The following DSC3 variants were observed in gnomAD, a reference collection of about 807,000 sequenced individuals.
The protein encoded by DSC3 is desmocollin-3.
Under a neutral mutation model 89.5 loss-of-function variants are expected in DSC3, and 97 were observed. The ratio of observed to expected loss-of-function variants is 1.08; its 90% CI spans 0.92 to 1.28. The LOEUF is 1.28. DSC3 is among the 50% of genes most tolerant of loss of function. The pLI, the probability that DSC3 is intolerant of heterozygous loss-of-function variation, is 0.00. For synonymous variants in DSC3, 436 were observed against 384.1 expected, an observed-to-expected ratio of 1.14 and a Z score of -1.58; for missense variants, 1,199 against 1,085.3, an observed-to-expected ratio of 1.10 and a Z score of -1.47.
intron 1 of DSC3, among the ~76,000 whole-genome samples, chr18:31,042,093 G>A (rs1377406138): frequency 6.6e-6 from 1 of 151,980 alleles, no homozygotes. Context: ...CCCCACCAAG[G>A]GACCCAGGGA....
intron 14 of DSC3, among the ~76,000 whole-genome samples, chr18:31,000,766 T>C (rs1309113456): frequency 6.6e-6 from 1 of 152,112 alleles, no homozygotes; most frequent in Non-Finnish European, 1.5e-5. Flanking sequence ...AGTTACCAAG[T>C]AAGCTGTACC....
At chr18:31,030,253 T>A (rs958977443) in intron 3 of DSC3, among the ~76,000 whole-genome samples, 6 of 152,180 alleles carry the variant, frequency 3.9e-5, no homozygotes, top group Non-Finnish European at 8.8e-5. Flanking sequence ...GGGAAAAAGT[T>A]CTATTAGACT....
rs1014151714 is a variant in DSC3 at position 31,031,394 on chromosome 18, G to A, written c.155-222C>T. ...TGAGTGTATATTTCTATTAAATAAG[G>A]TGTTTTAAACCTTTATATGCTTCTA... On this transcript the variant is annotated intron_variant, in intron 2 of 15. Transcript: ENST00000360428. 4.6e-5 allele frequency among the ~76,000 whole-genome samples: 7 copies of A among 152,084 alleles called. No individual in the cohort carries two copies. In the South Asian group the frequency reaches 1.5e-3, roughly 32 times the overall value.
At position 31,018,099 on chromosome 18, in the gene DSC3, GTTTC is replaced by G; in HGVS notation, c.1231_1234del (p.Glu411LeufsTer9). 1.2e-5 allele frequency: 20 copies of G among 1,612,316 alleles called. No homozygotes were observed. The highest frequency in any genetic ancestry group is 1.7e-5 in the Non-Finnish European group (20 of 1,179,150). ...TACAACAGAAAGAACACCTTCATTA[GTTTC>G]TTTGTCTGTGCTGATTTTGAAATGT... On this transcript the variant is annotated frameshift_variant, in exon 9 of 16. Transcript: ENST00000360428. LOFTEE classifies it high-confidence loss of function.
At chr18:31,032,142 G>T in intron 2 of DSC3, 50 bp downstream of exon 2, 2 of 1,305,536 alleles carry the variant, frequency 1.5e-6, no homozygotes, top group Non-Finnish European at 2.2e-6. Flanking sequence ...GCTCTTTCCA[G>T]CCTATGTAAA....
In DSC3 at chr18:30,991,370, C is replaced by T. The variant is rs1204710570; in HGVS notation, c.*2805G>A. The T allele has an allele frequency of 6.6e-6, 1 of 152,534 alleles. No homozygotes were observed. Among genetic ancestry groups the T allele is most frequent in the African/African-American group, 2.4e-5 (1 of 41,424 alleles). The allele number at this position is 152,534 out of a possible 1,614,324, so 9.4% of individuals were successfully genotyped here. A position where few individuals can be genotyped will look rare whatever the true frequency, so the allele number is the denominator to read the frequency against. ...CACACTCAAATACCATAAATTTCAC[C>T]TTACACATATAAGGAAATAATAATA... On this transcript the variant is annotated 3_prime_UTR_variant, in exon 16 of 16. Coordinates refer to ENST00000360428, the MANE Select transcript of DSC3 (RefSeq NM_001941.5).
intron 7 of DSC3, among the ~76,000 whole-genome samples, chr18:31,021,531 TTATAA>T (rs1474995790): frequency 6.6e-6 from 1 of 152,214 alleles, no homozygotes; most frequent in African/African-American, 2.4e-5. Context: ...GATTTCTTCC[TTATAA>T]TATATTTTCT....
At position 30,994,078 on chromosome 18, in the gene DSC3, A is replaced by G; in HGVS notation, c.*97T>C. ...TAGCATAATTCAAAATTGAGAAAAA[A>G]ATCATCATATACATACATGTTGAAA... On this transcript the variant is annotated 3_prime_UTR_variant, in exon 16 of 16. Transcript: ENST00000360428. 1 of 1,196,822 alleles carries G rather than the reference A, an allele frequency of 8.4e-7. No individual in the cohort carries two copies. The highest frequency in any genetic ancestry group is 1.2e-6 in the Non-Finnish European group (1 of 822,458). 74.1% of individuals were successfully genotyped at this position (1,196,822 alleles called of 1,614,324 possible).
chr18:31,029,620 C>T lies in DSC3; in HGVS notation c.363G>A (p.Lys121=). ...GAACAGTTTCTCTAGTGTGTCTTGTCTTCGATACCTGAATTTAGAGAAAAA... is the reference window on the plus strand; with the variant it reads ...GAACAGTTTCTCTAGTGTGTCTTGTTTTCGATACCTGAATTTAGAGAAAAA... ...VLLEHQKKVS[K]TRHTRETVLR... Residue 121 remains lysine (K), a synonymous_variant, in exon 4 of 16, where the codon AAG becomes AAA. Transcript: ENST00000360428. The T allele has an allele frequency of 1.2e-6, 2 of 1,613,724 alleles. No homozygotes were observed. Among genetic ancestry groups the T allele is most frequent in the East Asian group, 2.2e-5 (1 of 44,864 alleles).
chr18:30,994,248 T>G lies in DSC3; in HGVS notation c.2618A>C (p.Glu873Ala), dbSNP rs1984376430. The G allele has an allele frequency of 6.2e-7, 1 of 1,613,996 alleles. No individual in the cohort carries two copies. The highest frequency in any genetic ancestry group is 8.5e-7 in the Non-Finnish European group (1 of 1,180,018). ...ATTATTTAAAAAGTCAAGGCCATCTTCTTCCTGCTTTTCACTGCAGCAGCC... is the reference window on the plus strand; with the variant it reads ...ATTATTTAAAAAGTCAAGGCCATCTGCTTCCTGCTTTTCACTGCAGCAGCC... ...SVGCCSEKQE[E>A]DGLDFLNNLE... The change falls in exon 16 of 16, where the codon GAA becomes GCA. Residue 873 changes from glutamate to alanine, a missense_variant. Coordinates refer to ENST00000360428, the MANE Select transcript of DSC3 (RefSeq NM_001941.5).
intron 9 of DSC3, among the ~76,000 whole-genome samples, chr18:31,009,153 C>T (rs1023450786): frequency 5.3e-5 from 8 of 152,100 alleles, no homozygotes; most frequent in African/African-American, 1.4e-4. Flanking sequence ...TTGGTTCAAG[C>T]GATTCTCCTG....
chr18:31,013,878 G>A (rs1985150531), intron 9 of DSC3, among the ~76,000 whole-genome samples: 1 of 152,050 alleles, frequency 6.6e-6, no homozygotes. Flanking sequence ...CCTTGACTAA[G>A]CAATTCCATT....
Position 31,023,093 on chromosome 18 carries a change from G to A in DSC3, c.776-591C>T, listed in dbSNP as rs376676414. Among the ~76,000 whole-genome samples the A allele has an allele frequency of 5.8e-4, 88 of 152,070 alleles. 1 individual carries two copies. In the South Asian group the frequency reaches 0.013, roughly 22 times the overall value. On this transcript the variant is annotated intron_variant, in intron 6 of 15. Coordinates refer to ENST00000360428, the MANE Select transcript of DSC3 (RefSeq NM_001941.5). ...AGTACCTTGGGTTAAGCTGGGCATC[G>A]AAGTGTTTGTCCTTTTTTTTTCTCT...
Position 30,991,483 on chromosome 18 carries a change from C to T in DSC3, c.*2692G>A, listed in dbSNP as rs565808328. The T allele has an allele frequency of 9.2e-5, 14 of 152,068 alleles. No homozygotes were observed. The highest frequency in any genetic ancestry group is 3.3e-4 in the Admixed American group (5 of 15,264). The allele number at this position is 152,068 out of a possible 1,614,324, so 9.4% of individuals were successfully genotyped here. A position where few individuals can be genotyped will look rare whatever the true frequency, so the allele number is the denominator to read the frequency against. ...TTACAAATTCGGGCATACATGCAGA[C>T]CAGGTGGTTTTCAGCATGTTCAAAG... On this transcript the variant is annotated 3_prime_UTR_variant, in exon 16 of 16. Coordinates refer to ENST00000360428, the MANE Select transcript of DSC3 (RefSeq NM_001941.5).
chr18:31,018,201 A>G lies in DSC3; in HGVS notation c.1133T>C (p.Ile378Thr). The change falls in exon 9 of 16, where the codon ATA becomes ACA. Residue 378 changes from isoleucine to threonine, a missense_variant. Coordinates refer to ENST00000360428, the MANE Select transcript of DSC3 (RefSeq NM_001941.5). ...AFNVEILRIP[I>T]EDKDLINTAN... ...AGTGTTAATTAAATCCTTATCTTCT[A>G]TAGGTATTCGTAAGATTTCCACATT... The G allele has an allele frequency of 2.5e-6, 4 of 1,612,298 alleles. No homozygotes were observed. The highest frequency in any genetic ancestry group is 3.4e-6 in the Non-Finnish European group (4 of 1,179,044).
chr18:31,029,868 A>G (rs1352627254), intron 3 of DSC3, among the ~76,000 whole-genome samples: 1 of 152,142 alleles, frequency 6.6e-6, no homozygotes, highest in African/African-American at 2.4e-5. Context: ...TCTAACACTG[A>G]CTATACTTTC....
At chr18:31,010,282 G>T (rs569879594) in intron 9 of DSC3, among the ~76,000 whole-genome samples, 47 of 152,238 alleles carry the variant, frequency 3.1e-4, no homozygotes, top group Non-Finnish European at 5.4e-4. Flanking sequence ...ATATCTGTTC[G>T]TTTGATGCTG....
intron 13 of DSC3, 53 bp downstream of exon 13, chr18:31,004,087 CCA>C: frequency 7.3e-7 from 1 of 1,372,458 alleles, no homozygotes. Flanking sequence ...ACATCTTTTC[CCA>C]CACCTAGATT....
At chr18:30,994,484 C>A in intron 15 of DSC3, 112 bp from the exon 16 acceptor site, 1 of 1,592,632 alleles carries the variant, frequency 6.3e-7, no homozygotes, top group Non-Finnish European at 8.6e-7. Flanking sequence ...CCAGTGTGTC[C>A]TCTAATGGAT....
Sources: allele counts gnomAD v4.1 joint callset (sites outside exome capture counted in the v4.1 genomes callset), GRCh38; gene constraint gnomAD v4.1.1; transcripts MANE v1.5; gene names NCBI Gene and HGNC (gene_info 2026-07-23, HGNC 2026-07-21).